Variants in DNAH5 observed in about 807,000 individuals in gnomAD.
DNAH5 encodes axonemal beta dynein heavy chain 5.
Under a neutral mutation model 518.2 loss-of-function variants are expected in DNAH5, and 372 were observed. That is an observed-to-expected ratio of 0.72 (90% CI 0.66 to 0.78). DNAH5 has a LOEUF of 0.78. Ranked by LOEUF, DNAH5 falls within the 30% of genes least tolerant of loss-of-function variation. The pLI is 0.00. For synonymous variants in DNAH5, 2,039 were observed against 2,025.9 expected, an observed-to-expected ratio of 1.01 and a Z score of -0.17; for missense variants, 5,523 against 5,687.0, an observed-to-expected ratio of 0.97 and a Z score of 0.93.
Position 14,001,610 on chromosome 5 carries a change from G to A in DNAH5, c.12+10038C>T, listed in dbSNP as rs191483316. Among the ~76,000 whole-genome samples, 497 of 151,632 alleles carry A rather than the reference G, an allele frequency of 3.3e-3. 17 individuals are homozygous for A. The East Asian group carries it at 0.074, about 23-fold the overall frequency. The stretch of plus-strand genomic sequence containing the variant: ...AATCTCCTGACCTCATGATCTGCCC[G>A]CCTCAGCCTCCCAAAGTGCTGGGAT... On this transcript the variant is annotated intron_variant, in intron 1 of 78. Transcript: ENST00000681290.
intron 1 of DNAH5, among the ~76,000 whole-genome samples, chr5:13,984,340 G>C (rs1782885801): frequency 6.6e-6 from 1 of 152,098 alleles, no homozygotes; most frequent in African/African-American, 2.4e-5. Context: ...GTCTGTTATT[G>C]GTGTATAAGA....
At chr5:13,861,247 A>G (rs1018328602) in intron 29 of DNAH5, among the ~76,000 whole-genome samples, 1 of 152,196 alleles carries the variant, frequency 6.6e-6, no homozygotes, top group Non-Finnish European at 1.5e-5. Context: ...GTTTGGTATG[A>G]ATAGTAACCA....
chr5:13,943,036 G>A (rs776130979), intron 1 of DNAH5, among the ~76,000 whole-genome samples: 8 of 152,016 alleles, frequency 5.3e-5, no homozygotes, highest in Non-Finnish European at 8.8e-5. Flanking sequence ...AACCAAACCA[G>A]CATCCTAAAT....
chr5:13,795,480 C>G (rs1054841883), intron 47 of DNAH5, among the ~76,000 whole-genome samples: 3 of 152,142 alleles, frequency 2.0e-5, no homozygotes, highest in Admixed American at 2.0e-4. Flanking sequence ...GACACATACA[C>G]CCTCCCAAGA....
rs925178133 is a variant in DNAH5 at position 13,721,049 on chromosome 5, T to C, written c.12230A>G (p.Gln4077Arg). 4 of 1,614,164 alleles carry C rather than the reference T, an allele frequency of 2.5e-6. No homozygotes were observed. The highest frequency in any genetic ancestry group is 2.5e-6 in the Non-Finnish European group (3 of 1,179,988). The change falls in exon 71 of 79, where the codon CAG becomes CGG. Residue 4077 changes from glutamine to arginine, a missense_variant. Around this residue, in one of 3 missense-constraint regions of DNAH5, gnomAD observed 5,121 missense variants for 5,223.3 expected, o/e 0.98. Transcript: ENST00000265104. ...CTTCCGAGCATGGACTTCCTGGCCC[T>C]GGCCCATGGACACATAACGGGTTTC... The part of the protein sequence containing the change: ...KIETRYVSMG[Q>R]GQEVHARKLL...
At chr5:13,811,592 T>G in intron 44 of DNAH5, 55 bp downstream of exon 44, 1 of 1,513,158 alleles carries the variant, frequency 6.6e-7, no homozygotes, top group Non-Finnish European at 9.2e-7. Flanking sequence ...GTACTCTCTG[T>G]GCAGCATGGC....
chr5:13,903,967 T>C (rs1774983178), intron 12 of DNAH5, among the ~76,000 whole-genome samples: 1 of 152,070 alleles, frequency 6.6e-6, no homozygotes, highest in Non-Finnish European at 1.5e-5. Flanking sequence ...TAAATTTAAA[T>C]AACTATTAGT....
Position 13,901,412 on chromosome 5 carries a change from C to A in DNAH5, c.1892G>T (p.Arg631Leu), listed in dbSNP as rs370272258. 2 of 1,613,868 alleles carry A rather than the reference C, an allele frequency of 1.2e-6. No individual in the cohort carries two copies. Among genetic ancestry groups the A allele is most frequent in the African/African-American group, 2.7e-5 (2 of 74,886 alleles). The change falls in exon 14 of 79, where the codon CGC becomes CTC. Residue 631 changes from arginine (R) to leucine (L), a missense_variant. Physicochemically the swap from Arg to Leu is moderately radical, Grantham distance 102 (BLOSUM62 -2). Coordinates refer to ENST00000265104, the MANE Select transcript of DNAH5 (RefSeq NM_001369.3). ...CTGCTGAATCCTATGGAAGAGCTGG[C>A]GGGCCCACAAAATCTTTCCAGCGAT... ...PPIAGKILWA[R>L]QLFHRIQQPM...
intron 15 of DNAH5, among the ~76,000 whole-genome samples, chr5:13,896,005 G>A (rs1773878925): frequency 6.6e-6 from 1 of 151,862 alleles, no homozygotes; most frequent in Non-Finnish European, 1.5e-5. Context: ...TTGGGAGAGT[G>A]AGTGGAAGCA....
At chr5:13,962,959 C>T (rs888245794) in intron 1 of DNAH5, among the ~76,000 whole-genome samples, 6 of 152,088 alleles carry the variant, frequency 3.9e-5, no homozygotes, top group African/African-American at 1.4e-4. Flanking sequence ...CCCACAGCAG[C>T]GGTGCATCCA....
intron 21 of DNAH5, among the ~76,000 whole-genome samples, chr5:13,877,709 A>G (rs1417849079): frequency 6.6e-6 from 1 of 152,176 alleles, no homozygotes; most frequent in Non-Finnish European, 1.5e-5. Flanking sequence ...AGGAATCTGC[A>G]ACACACAGTT....
rs935006138 is a variant in DNAH5, at chr5:13,922,164, G to A, written c.603C>T (p.Ser201=). ...DAANIRQEFL[S]SLEGFVNVLS... is the part of the protein sequence containing the mutation. ...GGACGTTCACAAAGCCTTCCAGGGA[G>A]CTCAAGAACTCCTGGCGAATGTTAG... Residue 201 remains serine, a synonymous_variant, in exon 5 of 79, where the codon AGC becomes AGT. Transcript: ENST00000265104. The A allele has an allele frequency of 1.2e-6, 2 of 1,614,072 alleles. No individual in the cohort carries two copies. The highest frequency in any genetic ancestry group is 1.7e-5 in the Admixed American group (1 of 60,010).
chr5:13,911,543 C>T lies in DNAH5; in HGVS notation c.1537-50G>A, dbSNP rs150679902. On this transcript the variant is annotated intron_variant, in intron 11 of 78. Coordinates refer to ENST00000265104, the MANE Select transcript of DNAH5 (RefSeq NM_001369.3). ...ATAATATTTCAATATTCTTATATTA[C>T]CTAACTAAATATGACCCTTAAATGT... The T allele has an allele frequency of 0.023, 32,099 of 1,399,426 alleles. 427 individuals are homozygous for T. The highest frequency in any genetic ancestry group is 0.028 in the Non-Finnish European group (27,706 of 996,268). 86.7% of individuals were successfully genotyped at this position (1,399,426 alleles called of 1,614,324 possible).
intron 2 of DNAH5, among the ~76,000 whole-genome samples, chr5:13,930,056 GAGGAGA>G (rs1778266868): frequency 6.6e-6 from 1 of 152,178 alleles, no homozygotes; most frequent in South Asian, 2.1e-4. Flanking sequence ...TGTCAGCTAT[GAGGAGA>G]AGGAGAAAGA....
At chr5:13,895,434 G>T (rs1445014383) in intron 15 of DNAH5, among the ~76,000 whole-genome samples, 3 of 152,126 alleles carry the variant, frequency 2.0e-5, no homozygotes, top group Non-Finnish European at 4.4e-5. Flanking sequence ...CAGAAACACG[G>T]GAATGGCACC....
In DNAH5 at chr5:13,920,612, G is replaced by A; in HGVS notation, c.666C>T (p.Asn222=). ...GAQESLKEKV[N]LRKCDILELK... Reference sequence around the variant, plus strand: ...GTTCAAGTATGTCACACTTTCGAAGGTTCACCTAATTAGAATGAAAATTAA... The same window carrying A: ...GTTCAAGTATGTCACACTTTCGAAGATTCACCTAATTAGAATGAAAATTAA... The change falls in exon 6 of 79, where the codon AAC becomes AAT. Residue 222 remains asparagine, a synonymous_variant. Transcript: ENST00000265104. The A allele has an allele frequency of 6.2e-6, 10 of 1,614,012 alleles. 1 individual carries two copies. The highest frequency in any genetic ancestry group is 8.5e-6 in the Non-Finnish European group (10 of 1,179,944).
At chr5:13,789,838 C>T (rs906479214) in intron 50 of DNAH5, among the ~76,000 whole-genome samples, 2 of 152,128 alleles carry the variant, frequency 1.3e-5, no homozygotes, top group African/African-American at 4.8e-5. Flanking sequence ...ATTCACGCCG[C>T]TAAACTGACT....
At chr5:13,790,451 A>G (rs142948002) in intron 50 of DNAH5, among the ~76,000 whole-genome samples, 64 of 152,302 alleles carry the variant, frequency 4.2e-4, no homozygotes, top group African/African-American at 1.2e-3. Context: ...GCAGGAATAG[A>G]AAACCAAATA....
upstream of DNAH5, among the ~76,000 whole-genome samples, chr5:13,947,559 T>C (rs1176816444): frequency 6.6e-6 from 1 of 152,222 alleles, no homozygotes; most frequent in African/African-American, 2.4e-5. Flanking sequence ...ATGACTACCA[T>C]TTATGGCAAT....
Sources: allele counts gnomAD v4.1 joint callset (sites outside exome capture counted in the v4.1 genomes callset), GRCh38; gene constraint gnomAD v4.1.1; regional missense constraint gnomAD v4.1.1; transcripts MANE v1.5; gene names NCBI Gene and HGNC (gene_info 2026-07-23, HGNC 2026-07-21).